GYS1: variants seen among roughly 807,000 people sequenced by gnomAD.
The protein encoded by GYS1 is glycogen synthase 1.
GYS1 carries 60 observed loss-of-function variants against 89.1 expected under a neutral mutation model. The ratio of observed to expected loss-of-function variants is 0.67; its 90% confidence interval spans 0.55 to 0.84. The LOEUF (loss-of-function observed/expected upper bound fraction) is 0.84. GYS1 is among the 40% of genes least tolerant of loss of function. The pLI is 0.00. For synonymous variants in GYS1, 366 were observed against 401.7 expected (o/e 0.91, Z 1.06); for missense variants, 888 against 1,003.1 (o/e 0.89, Z 1.55).
chr19:48,985,728 G>A, intron 4 of GYS1, 122 bp downstream of exon 4: 2 of 1,492,412 alleles, frequency 1.3e-6, no homozygotes, highest in Middle Eastern at 1.8e-4. Context: ...AGGTAGGAGG[G>A]GTCTGGGGAC....
At chr19:48,979,539 G>A (rs186641360) in intron 8 of GYS1, among the ~76,000 whole-genome samples, 310 of 150,568 alleles carry the variant, frequency 2.1e-3, no homozygotes, top group Non-Finnish European at 3.1e-3. Context: ...ATTTCACCAC[G>A]TTGACCAGGC....
chr19:48,982,781 G>A lies in GYS1; in HGVS notation c.880C>T (p.Gln294Ter). Residue 294 changes from glutamine (Q) to a stop codon, truncating the protein, a stop_gained, in exon 6 of 16, where the codon CAG becomes TAG. Coordinates refer to ENST00000323798, the MANE Select transcript of GYS1 (RefSeq NM_002103.5). LOFTEE classifies it high-confidence loss of function. ...GCCTTGCTCTGAGCATGGAGGTTCTGGAACTCATGCATGGCAGAAAACTTC... is the reference window on the plus strand; with the variant it reads ...GCCTTGCTCTGAGCATGGAGGTTCTAGAACTCATGCATGGCAGAAAACTTC... ...VKKFSAMHEF[Q>*]NLHAQSKARI... is the part of the protein sequence containing the mutation. 6.2e-6 allele frequency: 10 copies of A among 1,614,026 alleles called. No individual in the cohort carries two copies. The highest frequency in any genetic ancestry group is 1.3e-5 in the African/African-American group (1 of 75,040).
rs2122520583 is a variant in GYS1, at chr19:48,985,916, G to A, written c.612C>T (p.Thr204=). Residue 204 remains threonine, a synonymous_variant, in exon 4 of 16, where the codon ACC becomes ACT. Transcript: ENST00000323798. Reference sequence around the variant, plus strand: ...GGTAGCGCCCCAGCAGCGTGGCATGGGTGGTGAAGATGGTTGCTACAGGCA... The same window carrying A: ...GGTAGCGCCCCAGCAGCGTGGCATGAGTGGTGAAGATGGTTGCTACAGGCA... ...RRLPVATIFT[T]HATLLGRYLC... 1 of 1,614,174 alleles carries A rather than the reference G, an allele frequency of 6.2e-7. No homozygotes were observed. Among genetic ancestry groups the A allele is most frequent in the Non-Finnish European group, 8.5e-7 (1 of 1,180,044 alleles).
intron 2 of GYS1, among the ~76,000 whole-genome samples, chr19:48,989,803 AGACTTGCT>A (rs1255020271): frequency 1.3e-5 from 2 of 152,164 alleles, no homozygotes; most frequent in Non-Finnish European, 2.9e-5. Context: ...CGTGTTTCTA[AGACTTGCT>A]GTCTCACTTC....
chr19:48,974,369 A>G (rs768699537), intron 11 of GYS1, 30 bp from the exon 12 acceptor site: 2 of 1,613,294 alleles, frequency 1.2e-6, no homozygotes, highest in South Asian at 2.2e-5. Flanking sequence ...ACTCAGCCCA[A>G]GTGCCTTATT....
At chr19:48,978,230 G>T in intron 8 of GYS1, 73 bp from the exon 9 acceptor site, 1 of 1,315,068 alleles carries the variant, frequency 7.6e-7, no homozygotes, top group Non-Finnish European at 1.1e-6. Context: ...TAGTTAGTTT[G>T]TTTGTTTATT....
intron 3 of GYS1, among the ~76,000 whole-genome samples, chr19:48,986,489 CT>C (rs569019323): frequency 0.021 from 2,929 of 142,208 alleles, 53 homozygotes; most frequent in African/African-American, 0.05. Context: ...AATTAAGCTT[CT>C]TTTTTTTTTT....
At chr19:48,982,020 G>C (rs2038772027) in intron 7 of GYS1, among the ~76,000 whole-genome samples, 1 of 152,062 alleles carries the variant, frequency 6.6e-6, no homozygotes, top group Non-Finnish European at 1.5e-5. Flanking sequence ...ACCCTCCCGA[G>C]TAGCTGGGAC....
At chr19:48,980,548 G>C (rs756646611) in intron 8 of GYS1, among the ~76,000 whole-genome samples, 2 of 151,786 alleles carry the variant, frequency 1.3e-5, no homozygotes, top group South Asian at 2.1e-4. Context: ...CTCTGCTAAT[G>C]AATGAACGGT....
intron 10 of GYS1, among the ~76,000 whole-genome samples, chr19:48,975,826 G>A (rs1420866395): frequency 2.0e-5 from 3 of 149,326 alleles, no homozygotes; most frequent in Non-Finnish European, 4.4e-5. Context: ...GCAGGAGAAC[G>A]GCATGAATCC....
intron 3 of GYS1, among the ~76,000 whole-genome samples, chr19:48,986,549 C>T (rs901478605): frequency 1.3e-5 from 2 of 149,064 alleles, no homozygotes; most frequent in African/African-American, 5.0e-5. Context: ...GTGGCCCAGG[C>T]TGGAGTGCCG....
chr19:48,981,168 A>C (rs967739170), intron 8 of GYS1, among the ~76,000 whole-genome samples: 1 of 151,370 alleles, frequency 6.6e-6, no homozygotes, highest in Non-Finnish European at 1.5e-5. Context: ...TAATTCCAGC[A>C]CTTTGGGAGG....
chr19:48,970,277 A>G (rs1452670866), intron 14 of GYS1: 2 of 485,976 alleles, frequency 4.1e-6, no homozygotes, highest in Non-Finnish European at 3.7e-6. Flanking sequence ...GGCACGCACC[A>G]TCACGCTCGG....
At chr19:48,978,426 T>A (rs2038695834) in intron 8 of GYS1, among the ~76,000 whole-genome samples, 1 of 150,436 alleles carries the variant, frequency 6.6e-6, no homozygotes, top group Admixed American at 6.6e-5. Context: ...GGTTTCTCCA[T>A]GTTGGTCAGG....
intron 5 of GYS1, among the ~76,000 whole-genome samples, chr19:48,984,770 A>T (rs563561586): frequency 1.7e-3 from 256 of 151,948 alleles, no homozygotes; most frequent in Non-Finnish European, 2.9e-3. Flanking sequence ...AGTCCCAGCT[A>T]CTTGGGAGGC....
At chr19:48,976,348 C>A (rs879775741) in intron 10 of GYS1, among the ~76,000 whole-genome samples, 1 of 152,080 alleles carries the variant, frequency 6.6e-6, no homozygotes, top group South Asian at 2.1e-4. Flanking sequence ...CTCTAACTCC[C>A]AGAAGCCTCT....
At chr19:48,974,463 A>G (rs893484891) in intron 11 of GYS1, 124 bp from the exon 12 acceptor site, 69 of 1,209,146 alleles carry the variant, frequency 5.7e-5, no homozygotes, top group Admixed American at 1.7e-4. Context: ...GGCAGGACCA[A>G]TGTTCAAACC....
chr19:48,985,617 G>C lies in GYS1; in HGVS notation c.679-12C>G. ...TTGTCCACGTTGAACTGGGTGGGAG[G>C]GGACAGCAGTCCGGTTAGAAGGATT... is the stretch of plus-strand genomic sequence containing the variant. On this transcript the variant is annotated splice_polypyrimidine_tract_variant and intron_variant, in intron 4 of 15. Coordinates refer to ENST00000323798, the MANE Select transcript of GYS1 (RefSeq NM_002103.5). 6.2e-7 allele frequency: 1 copy of C among 1,613,950 alleles called. No homozygotes were observed. The highest frequency in any genetic ancestry group is 1.6e-4 in the Middle Eastern group (1 of 6,062).
At chr19:48,971,091 G>A (rs201665562) in intron 12 of GYS1, 68 bp from the exon 13 acceptor site, 4 of 1,057,224 alleles carry the variant, frequency 3.8e-6, no homozygotes, top group Non-Finnish European at 5.9e-6. Flanking sequence ...CGCAATAGAC[G>A]CCTCAACACC....
Sources: allele counts gnomAD v4.1 joint callset (sites outside exome capture counted in the v4.1 genomes callset), GRCh38; gene constraint gnomAD v4.1.1; transcripts MANE v1.5; gene names NCBI Gene and HGNC (gene_info 2026-07-23, HGNC 2026-07-21).